The following OTP variants were observed in gnomAD, a reference collection of about 807,000 sequenced individuals.
OTP encodes the protein orthopedia homeobox.
Under a neutral mutation model 22.3 loss-of-function variants are expected in OTP, and 5 were observed. The ratio of observed to expected loss-of-function variants is 0.22; its 90% CI spans 0.12 to 0.47. The LOEUF (loss-of-function observed/expected upper bound fraction) is 0.47. OTP is among the 20% of genes least tolerant of loss of function. The pLI, the probability that OTP is intolerant of heterozygous loss-of-function variation, is 0.99. For missense variants in OTP, 428 were observed against 456.2 expected, an observed-to-expected ratio of 0.94 and a Z score of 0.56; for synonymous variants, 229 against 210.6, an observed-to-expected ratio of 1.09 and a Z score of -0.76.
chr5:77,630,144 G>C lies in OTP; in HGVS notation c.*120C>G. The C allele has an allele frequency of 2.0e-6, 1 of 508,338 alleles. No individual in the cohort carries two copies. Among genetic ancestry groups the C allele is most frequent in the Non-Finnish European group, 2.9e-6 (1 of 346,220 alleles). The allele number at this position is 508,338 out of a possible 1,614,324, so 31.5% of individuals were successfully genotyped here. A position where few individuals can be genotyped will look rare whatever the true frequency, so the allele number is the denominator to read the frequency against. On this transcript the variant is annotated 3_prime_UTR_variant, in exon 3 of 3. Coordinates refer to ENST00000306422, the MANE Select transcript of OTP (RefSeq NM_032109.3). ...GAGGAGAGAGGCGAGGACGAAACGA[G>C]ACGGGGCGAAGGCCGGGGCGGGACG... is the stretch of plus-strand genomic sequence containing the variant.
At chr5:77,634,216 G>A (rs1350337298) in intron 2 of OTP, among the ~76,000 whole-genome samples, 2 of 152,074 alleles carry the variant, frequency 1.3e-5, no homozygotes, top group African/African-American at 4.8e-5. Flanking sequence ...TTATTATATT[G>A]CATTTGATCA....
chr5:77,636,779 C>T lies in OTP; in HGVS notation c.447+42G>A, dbSNP rs753029301. The T allele has an allele frequency of 1.3e-5, 20 of 1,571,904 alleles. No homozygotes were observed. The South Asian group carries it at 1.6e-4, about 12-fold the overall frequency. On this transcript the variant is annotated intron_variant, in intron 2 of 2. Transcript: ENST00000306422. ...TGCTCCCTTTGCCCAAATCCTCCCGCCCTGTCCTTGCCTTCTGTCCCAGAT... is the reference window on the plus strand; with the variant it reads ...TGCTCCCTTTGCCCAAATCCTCCCGTCCTGTCCTTGCCTTCTGTCCCAGAT...
Position 77,630,512 on chromosome 5 carries a change from C to A in OTP, c.730G>T (p.Gly244Cys). ...AGGCCCATGGAGTTGGGCGGCGGAC[C>A]GGCCGCCAGGCTGCACTGGGACAGC... ...QSLSQCSLAAGPPPNSMGLSN... is the reference protein window; with the variant it reads ...QSLSQCSLAACPPPNSMGLSN... Residue 244 changes from glycine to cysteine, a missense_variant, in exon 3 of 3, where the codon GGT becomes TGT. Physicochemically the swap from Gly to Cys is radical, Grantham distance 159. This residue lies in a region of OTP where 236 missense variants were observed against 238.1 expected (regional missense o/e 0.99). Coordinates refer to ENST00000306422, the MANE Select transcript of OTP (RefSeq NM_032109.3). 6.3e-7 allele frequency: 1 copy of A among 1,591,172 alleles called. No homozygotes were observed. The highest frequency in any genetic ancestry group is 1.7e-5 in the Admixed American group (1 of 57,552).
intron 1 of OTP, among the ~76,000 whole-genome samples, chr5:77,637,996 T>C (rs902608790): frequency 6.6e-6 from 1 of 152,084 alleles, no homozygotes; most frequent in African/African-American, 2.4e-5. Flanking sequence ...GGGATGACTG[T>C]GAGGTTGAAT....
Position 77,630,094 on chromosome 5 carries a change from G to A in OTP, c.*170C>T, listed in dbSNP as rs1015507126. On this transcript the variant is annotated 3_prime_UTR_variant, in exon 3 of 3. Transcript: ENST00000306422. ...GCGGAGGGGAGGCCTCGCGGGCTGG[G>A]GCTTGGGGTGAGCCCGAGCGAGTGG... 4 of 325,294 alleles carry A rather than the reference G, an allele frequency of 1.2e-5. No individual in the cohort carries two copies. The highest frequency in any genetic ancestry group is 6.6e-5 in the African/African-American group (3 of 45,636). 20.2% of individuals were successfully genotyped at this position (325,294 alleles called of 1,614,324 possible).
In OTP at chr5:77,637,216, C is replaced by A. The variant is rs776648406; in HGVS notation, c.52G>T (p.Ala18Ser). The change falls in exon 2 of 3, where the codon GCC (alanine) becomes TCC (serine). Residue 18 changes from alanine (A) to serine (S), a missense_variant. Ala to Ser is a moderately conservative substitution (Grantham distance 99, BLOSUM62 1). This residue lies in a region of OTP where 176 missense variants were observed against 162.9 expected (regional missense o/e 1.08). Coordinates refer to ENST00000306422, the MANE Select transcript of OTP (RefSeq NM_032109.3). ...LDARLGMKDA[A>S]ELLGHREAVK... Reference sequence around the variant, plus strand: ...GCCTCCCGGTGGCCCAGAAGCTCGGCGGCATCTTTCATACCTGAGGAGGCA... The same window carrying A: ...GCCTCCCGGTGGCCCAGAAGCTCGGAGGCATCTTTCATACCTGAGGAGGCA... The A allele has an allele frequency of 4.0e-5, 61 of 1,521,988 alleles. No individual in the cohort carries two copies. Among genetic ancestry groups the A allele is most frequent in the Non-Finnish European group, 4.9e-5 (56 of 1,135,948 alleles). 94.3% of individuals were successfully genotyped at this position (1,521,988 alleles called of 1,614,324 possible). A position where few individuals can be genotyped will look rare whatever the true frequency, so the allele number is the denominator to read the frequency against.
At chr5:77,637,358 C>G in intron 1 of OTP, 128 bp from the exon 2 acceptor site, 1 of 1,118,182 alleles carries the variant, frequency 8.9e-7, no homozygotes, top group South Asian at 1.7e-5. Flanking sequence ...AAGGAAGAAA[C>G]TCCCAGGGTA....
chr5:77,637,257 C>T, intron 1 of OTP, 27 bp from the exon 2 acceptor site: 1 of 1,466,038 alleles, frequency 6.8e-7, no homozygotes, highest in Non-Finnish European at 9.0e-7. Context: ...ATCGCGGTCA[C>T]TACTTTCTTG....
intron 1 of OTP, among the ~76,000 whole-genome samples, chr5:77,637,597 G>C (rs1160146951): frequency 6.6e-6 from 1 of 152,192 alleles, no homozygotes; most frequent in East Asian, 1.9e-4. Context: ...GGTGCGGGGG[G>C]CAGAAAGAAA....
At chr5:77,632,361 T>C (rs1744944817) in intron 2 of OTP, among the ~76,000 whole-genome samples, 1 of 152,240 alleles carries the variant, frequency 6.6e-6, no homozygotes, top group African/African-American at 2.4e-5. Flanking sequence ...TTACTGTGCC[T>C]AAATATAAAT....
rs1744884082 is a variant in OTP at position 77,629,540 on chromosome 5, G to C, written c.*724C>G. On this transcript the variant is annotated 3_prime_UTR_variant, in exon 3 of 3. Coordinates refer to ENST00000306422, the MANE Select transcript of OTP (RefSeq NM_032109.3). ...AGGATAAATCAAATCATATCAGTTGGGCCCTCAGATGAGGCGGTTGGTAGC... is the reference window on the plus strand; with the variant it reads ...AGGATAAATCAAATCATATCAGTTGCGCCCTCAGATGAGGCGGTTGGTAGC... The C allele has an allele frequency of 6.5e-6, 1 of 152,694 alleles. No homozygotes were observed. Among genetic ancestry groups the C allele is most frequent in the South Asian group, 2.1e-4 (1 of 4,814 alleles). The allele number at this position is 152,694 out of a possible 1,614,324, so 9.5% of individuals were successfully genotyped here.
In OTP at chr5:77,628,824, C is replaced by G. The variant is rs189694343; in HGVS notation, c.*1440G>C. ...TAGCTCAAACATTTATTAAGAAAAC[C>G]GAATTCCATAAATAAACACAGACAT... On this transcript the variant is annotated 3_prime_UTR_variant, in exon 3 of 3. Transcript: ENST00000306422. The G allele has an allele frequency of 3.3e-5, 5 of 152,606 alleles. No homozygotes were observed. The highest frequency in any genetic ancestry group is 2.0e-4 in the Admixed American group (3 of 15,294). 9.5% of individuals were successfully genotyped at this position (152,606 alleles called of 1,614,324 possible). A position where few individuals can be genotyped will look rare whatever the true frequency, so the allele number is the denominator to read the frequency against.
chr5:77,638,249 G>GAA (rs34059045), intron 1 of OTP, among the ~76,000 whole-genome samples: 44,890 of 92,138 alleles, frequency 0.49, 9,626 homozygotes, highest in Non-Finnish European at 0.56. Context: ...ATCGCCTTTC[G>GAA]AAAAAAAAAA....
At chr5:77,630,866 G>A (rs1298484285) in intron 2 of OTP, 72 bp from the exon 3 acceptor site, 2 of 1,433,032 alleles carry the variant, frequency 1.4e-6, no homozygotes, top group Non-Finnish European at 1.8e-6. Context: ...TGGGGCTTGA[G>A]CCCCAGAAAC....
At position 77,630,531 on chromosome 5, in the gene OTP, G is replaced by A. The variant is rs1447532818; in HGVS notation, c.711C>T (p.Ser237=). 1 of 1,586,772 alleles carries A rather than the reference G, an allele frequency of 6.3e-7. No homozygotes were observed. The highest frequency in any genetic ancestry group is 8.5e-7 in the Non-Finnish European group (1 of 1,169,700). Residue 237 remains serine (S), a synonymous_variant, in exon 3 of 3, where the codon TCC becomes TCT. Transcript: ENST00000306422. ...GCGGACCGGCCGCCAGGCTGCACTG[G>A]GACAGCGACTGCGCCATGGCCTGCT... ...GRQQAMAQSL[S]QCSLAAGPPP...
chr5:77,631,833 G>T (rs896035817), intron 2 of OTP, among the ~76,000 whole-genome samples: 1 of 151,956 alleles, frequency 6.6e-6, no homozygotes, highest in African/African-American at 2.4e-5. Context: ...AAAGTGCTAG[G>T]ATTACAGACG....
Position 77,637,208 on chromosome 5 carries a change from A to G in OTP, c.60T>C (p.Leu20=), listed in dbSNP as rs1195489938. 6.5e-7 allele frequency: 1 copy of G among 1,529,870 alleles called. No homozygotes were observed. The highest frequency in any genetic ancestry group is 2.4e-5 in the East Asian group (1 of 42,266). 94.8% of individuals were successfully genotyped at this position (1,529,870 alleles called of 1,614,324 possible). A position where few individuals can be genotyped will look rare whatever the true frequency, so the allele number is the denominator to read the frequency against. ...ACTTCACCGCCTCCCGGTGGCCCAG[A>G]AGCTCGGCGGCATCTTTCATACCTG... The part of the protein sequence containing the change: ...ARLGMKDAAE[L]LGHREAVKCR... Residue 20 remains leucine, a synonymous_variant, in exon 2 of 3, where the codon CTT becomes CTC. Coordinates refer to ENST00000306422, the MANE Select transcript of OTP (RefSeq NM_032109.3).
In OTP at chr5:77,628,808, CATTT is replaced by C. The variant is rs1214357665; in HGVS notation, c.*1452_*1455del. ...ATAATATGCTTTATATTAGCTCAAA[CATTT>C]ATTAAGAAAACCGAATTCCATAAAT... On this transcript the variant is annotated 3_prime_UTR_variant, in exon 3 of 3. Coordinates refer to ENST00000306422, the MANE Select transcript of OTP (RefSeq NM_032109.3). 1 of 152,592 alleles carries C rather than the reference CATTT, an allele frequency of 6.6e-6. No homozygotes were observed. The highest frequency in any genetic ancestry group is 1.9e-4 in the East Asian group (1 of 5,206). 9.5% of individuals were successfully genotyped at this position (152,592 alleles called of 1,614,324 possible).
chr5:77,631,442 G>A (rs796383581), intron 2 of OTP, among the ~76,000 whole-genome samples: 3 of 151,896 alleles, frequency 2.0e-5, no homozygotes, highest in African/African-American at 7.2e-5. Flanking sequence ...ATTGCTTCGT[G>A]CTACTGCCAC....
Sources: allele counts gnomAD v4.1 joint callset (sites outside exome capture counted in the v4.1 genomes callset), GRCh38; gene constraint gnomAD v4.1.1; regional missense constraint gnomAD v4.1.1; transcripts MANE v1.5; gene names NCBI Gene and HGNC (gene_info 2026-07-23, HGNC 2026-07-21).